Variants in RBBP6 observed in about 807,000 individuals in gnomAD.
RBBP6 encodes the protein E3 ubiquitin-protein ligase RBBP6.
In RBBP6, 25 loss-of-function variants were observed where a neutral mutation model predicts 167.7. The ratio of observed to expected loss-of-function variants is 0.15; its 90% CI spans 0.11 to 0.21. RBBP6 has a LOEUF of 0.21. Ranked by LOEUF, RBBP6 falls within the 10% of genes least tolerant of loss-of-function variation. The pLI, the probability that RBBP6 is intolerant of heterozygous loss-of-function variation, is 1.00. For synonymous variants in RBBP6, 789 were observed against 735.8 expected (o/e 1.07, Z -1.17); for missense variants, 1,868 against 2,134.2 (o/e 0.88, Z 2.46).
intron 1 of RBBP6, among the ~76,000 whole-genome samples, chr16:24,543,639 G>C (rs994106415): frequency 6.6e-6 from 1 of 151,908 alleles, no homozygotes; most frequent in African/African-American, 2.4e-5. Context: ...TGAAACGCTT[G>C]GGTCAGAATT....
At chr16:24,559,967 G>C (rs1899007899) in intron 8 of RBBP6, among the ~76,000 whole-genome samples, 1 of 152,064 alleles carries the variant, frequency 6.6e-6, no homozygotes, top group South Asian at 2.1e-4. Context: ...GTTTTAAGTG[G>C]TATCCAGAAT....
At chr16:24,545,701 AT>A (rs1898627808) in intron 1 of RBBP6, among the ~76,000 whole-genome samples, 2 of 152,208 alleles carry the variant, frequency 1.3e-5, no homozygotes, top group Admixed American at 1.3e-4. Context: ...TTCATTCCTT[AT>A]TAGAAAACCA....
intron 17 of RBBP6, 124 bp from the exon 18 acceptor site, chr16:24,570,752 G>C (rs1899306449): frequency 1.1e-6 from 1 of 931,766 alleles, no homozygotes; most frequent in East Asian, 2.9e-5. Flanking sequence ...GGCAGAATAA[G>C]TTTTTTGTTT....
intron 3 of RBBP6, among the ~76,000 whole-genome samples, chr16:24,552,205 G>GTC (rs1387752120): frequency 6.6e-6 from 1 of 151,792 alleles, no homozygotes; most frequent in Non-Finnish European, 1.5e-5. Flanking sequence ...TGTGAGATGT[G>GTC]TCTTATATTT....
intron 14 of RBBP6, among the ~76,000 whole-genome samples, chr16:24,565,349 C>T (rs1451309620): frequency 4.6e-5 from 7 of 152,154 alleles, no homozygotes; most frequent in South Asian, 4.1e-4. Flanking sequence ...CCCTAGTGGG[C>T]GGGTACAAGC....
Position 24,540,708 on chromosome 16 carries a change from G to C in RBBP6, c.82G>C (p.Asp28His), listed in dbSNP as rs1898463792. The change falls in exon 1 of 18, where the codon GAC (aspartate) becomes CAC (histidine). Residue 28 changes from aspartate to histidine, a missense_variant. Transcript: ENST00000319715. ...TGATGGGCTCCACATCTCCCTCTGC[G>C]ACTTAAAGAAGCAGATTATGGGGAG... ...TFDGLHISLC[D>H]LKKQIMGREK... The C allele has an allele frequency of 6.2e-7, 1 of 1,614,038 alleles. No individual in the cohort carries two copies. The highest frequency in any genetic ancestry group is 8.5e-7 in the Non-Finnish European group (1 of 1,180,026).
chr16:24,547,525 C>G (rs893798032), intron 2 of RBBP6, among the ~76,000 whole-genome samples: 3 of 152,112 alleles, frequency 2.0e-5, no homozygotes, highest in African/African-American at 7.2e-5. Context: ...TGCAGTGGCA[C>G]AATCTTGGCT....
In RBBP6 at chr16:24,567,160, G is replaced by A. The variant is rs1411661345; in HGVS notation, c.1607G>A (p.Arg536Gln). 1.9e-6 allele frequency: 3 copies of A among 1,613,152 alleles called. No individual in the cohort carries two copies. Among genetic ancestry groups the A allele is most frequent in the Non-Finnish European group, 2.5e-6 (3 of 1,179,346 alleles). ...TTTTCCAGAAGTATAAACCGTGGGC[G>A]ACACCACAGCGAAAGATCACAGAGG... ...RSCYRSINRG[R>Q]HHSERSQRTQ... The change falls in exon 15 of 18, where the codon CGA becomes CAA. Residue 536 changes from arginine to glutamine, a missense_variant. This residue lies in a region of RBBP6 where 145 missense variants were observed against 224.3 expected (regional missense o/e 0.65). Transcript: ENST00000319715.
In RBBP6 at chr16:24,569,535, C is replaced by A; in HGVS notation, c.2845C>A (p.Leu949Met). Residue 949 changes from leucine to methionine, a missense_variant, in exon 17 of 18, where the codon CTG becomes ATG. Leu to Met is a conservative substitution (Grantham distance 15, BLOSUM62 2). Around this residue, in one of 7 missense-constraint regions of RBBP6, gnomAD observed 673 missense variants for 691.5 expected, o/e 0.97. Transcript: ENST00000319715. Reference protein sequence around the residue: ...RRKGEESEGFLNPELLETSRK... With the variant: ...RRKGEESEGFMNPELLETSRK... ...AAAAGGGGAGGAAAGTGAGGGTTTT[C>A]TGAACCCAGAGTTATTAGAGACTTC... The A allele has an allele frequency of 6.2e-7, 1 of 1,611,276 alleles. No homozygotes were observed. Among genetic ancestry groups the A allele is most frequent in the Non-Finnish European group, 8.5e-7 (1 of 1,179,366 alleles).
intron 2 of RBBP6, among the ~76,000 whole-genome samples, chr16:24,548,223 A>G (rs1342320407): frequency 6.6e-6 from 1 of 151,982 alleles, no homozygotes; most frequent in Non-Finnish European, 1.5e-5. Context: ...TTAAACATCA[A>G]ATTGTCCAGT....
rs552754690 is a variant in RBBP6 at position 24,571,874 on chromosome 16, T to G, written c.4808T>G (p.Ile1603Ser). 6.2e-7 allele frequency: 1 copy of G among 1,613,998 alleles called. No homozygotes were observed. Among genetic ancestry groups the G allele is most frequent in the South Asian group, 1.1e-5 (1 of 91,062 alleles). Residue 1603 changes from isoleucine to serine, a missense_variant, in exon 18 of 18, where the codon ATT (isoleucine) becomes AGT (serine). Ile to Ser is a moderately radical substitution (Grantham distance 142). This residue lies in a region of RBBP6 where 591 missense variants were observed against 540.5 expected (regional missense o/e 1.09). Transcript: ENST00000319715. ...GAGACACAGGTTGAAAAAGAGCAAATTACTGGGCAAATTGACAAGAGTACT... is the reference window on the plus strand; with the variant it reads ...GAGACACAGGTTGAAAAAGAGCAAAGTACTGGGCAAATTGACAAGAGTACT... ...PPETQVEKEQ[I>S]TGQIDKSTVK...
chr16:24,553,796 T>A (rs1898853903), intron 4 of RBBP6: 1 of 293,322 alleles, frequency 3.4e-6, no homozygotes, highest in African/African-American at 2.2e-5. Flanking sequence ...GAAGCTACAC[T>A]TAATTATTTT....
chr16:24,558,384 C>A (rs1156602453), intron 7 of RBBP6: 1 of 532,664 alleles, frequency 1.9e-6, no homozygotes. Context: ...CTCTTTTTTT[C>A]TTTTTTTTTT....
chr16:24,563,065 T>C, intron 10 of RBBP6, 134 bp from the exon 11 acceptor site: 1 of 614,464 alleles, frequency 1.6e-6, no homozygotes, highest in South Asian at 2.7e-5. Flanking sequence ...TCTCTCACTT[T>C]CCTCAGAAGT....
rs770956781 is a variant in RBBP6, at chr16:24,571,549, A to C, written c.4483A>C (p.Thr1495Pro). Residue 1495 changes from threonine (T) to proline (P), a missense_variant, in exon 18 of 18, where the codon ACA becomes CCA. Around this residue, in one of 7 missense-constraint regions of RBBP6, gnomAD observed 591 missense variants for 540.5 expected, o/e 1.09. Transcript: ENST00000319715. ...ACGTAGAGATGAAAAGAATGAATTA[A>C]CAAGACGAAAAGACTCTCCTTCTCG... ...SKRRDEKNEL[T>P]RRKDSPSRNK... 1 of 1,613,414 alleles carries C rather than the reference A, an allele frequency of 6.2e-7. No individual in the cohort carries two copies. The highest frequency in any genetic ancestry group is 8.5e-7 in the Non-Finnish European group (1 of 1,179,842).
intron 14 of RBBP6, 142 bp from the exon 15 acceptor site, chr16:24,567,001 C>T: frequency 2.4e-6 from 2 of 837,218 alleles, no homozygotes; most frequent in Non-Finnish European, 3.6e-6. Flanking sequence ...ATAAATTGTA[C>T]TAATGTTGCT....
chr16:24,549,178 T>C (rs1898737980), intron 3 of RBBP6, 197 bp downstream of exon 3: 1 of 1,435,324 alleles, frequency 7.0e-7, no homozygotes, highest in African/African-American at 1.4e-5. Context: ...TAGAAATGGG[T>C]AATTTGTGCC....
At chr16:24,566,843 G>A (rs1333668666) in intron 14 of RBBP6, among the ~76,000 whole-genome samples, 2 of 152,326 alleles carry the variant, frequency 1.3e-5, no homozygotes, top group Middle Eastern at 3.4e-3. Context: ...GAAGTAACAG[G>A]TAGTAATTAG....
chr16:24,568,476 A>G (rs1167236337), intron 16 of RBBP6, among the ~76,000 whole-genome samples: 2 of 152,224 alleles, frequency 1.3e-5, no homozygotes, highest in Non-Finnish European at 2.9e-5. Flanking sequence ...CATTTTGTTT[A>G]ATGTTAGTTA....
Sources: allele counts gnomAD v4.1 joint callset (sites outside exome capture counted in the v4.1 genomes callset), GRCh38; gene constraint gnomAD v4.1.1; regional missense constraint gnomAD v4.1.1; transcripts MANE v1.5; gene names NCBI Gene and HGNC (gene_info 2026-07-23, HGNC 2026-07-21).